Variants in ULBP1 observed in about 807,000 individuals in gnomAD.
ULBP1 encodes the protein UL16 binding protein 1.
Under a neutral mutation model 25.3 loss-of-function variants are expected in ULBP1, and 28 were observed. The ratio of observed to expected loss-of-function variants is 1.10; its 90% CI spans 0.82 to 1.51. The LOEUF is 1.51. Among genes scored for constraint, ULBP1 ranks in the 40% most tolerant of loss-of-function variants. ULBP1 has a pLI of 0.00. For synonymous variants in ULBP1, 129 were observed against 103.0 expected, an observed-to-expected ratio of 1.25 and a Z score of -1.53; for missense variants, 348 against 290.9, an observed-to-expected ratio of 1.20 and a Z score of -1.43.
chr6:149,964,063 C>T lies in ULBP1; in HGVS notation c.14C>T (p.Ala5Val). Residue 5 changes from alanine (A) to valine (V), a missense_variant, in exon 1 of 5, where the codon GCC becomes GTC. By Grantham distance (64) the Ala-to-Val change is moderately conservative. Coordinates refer to ENST00000229708, the MANE Select transcript of ULBP1 (RefSeq NM_025218.4). ...TCCAGGTCTACAATGGCAGCGGCCGCCAGCCCCGCGTTCCTTCTGTGCCTC... is the reference window on the plus strand; with the variant it reads ...TCCAGGTCTACAATGGCAGCGGCCGTCAGCCCCGCGTTCCTTCTGTGCCTC... Reference protein sequence around the residue: MAAAASPAFLLCLPL... With the variant: MAAAVSPAFLLCLPL... 5.0e-6 allele frequency: 8 copies of T among 1,614,212 alleles called. No homozygotes were observed. The highest frequency in any genetic ancestry group is 6.8e-6 in the Non-Finnish European group (8 of 1,180,036).
chr6:149,969,153 C>A lies in ULBP1; in HGVS notation c.418C>A (p.Gln140Lys), dbSNP rs1779260327. ...EAHGHGRGSW[Q>K]FLFNGQKFLL... The stretch of plus-strand genomic sequence containing the variant: ...CCATGGACACGGCAGAGGATCTTGG[C>A]AGTTCCTCTTCAATGGACAGAAGTT... The change falls in exon 3 of 5, where the codon CAG becomes AAG. Residue 140 changes from glutamine (Q) to lysine (K), a missense_variant. Transcript: ENST00000229708. 6.2e-7 allele frequency: 1 copy of A among 1,614,072 alleles called. No homozygotes were observed. The highest frequency in any genetic ancestry group is 1.1e-5 in the South Asian group (1 of 91,096).
Position 149,971,441 on chromosome 6 carries a change from C to G in ULBP1, c.*95C>G, listed in dbSNP as rs1015639465. On this transcript the variant is annotated 3_prime_UTR_variant, in exon 5 of 5. Coordinates refer to ENST00000229708, the MANE Select transcript of ULBP1 (RefSeq NM_025218.4). ...CTCTCCCTTCAGGGAGGCCGCCTGT[C>G]TACTCACCACTGTGCCTTTCTGGAA... 68 of 973,764 alleles carry G rather than the reference C, an allele frequency of 7.0e-5. No homozygotes were observed. The highest frequency in any genetic ancestry group is 5.2e-4 in the Middle Eastern group (1 of 1,924). The allele number at this position is 973,764 out of a possible 1,614,324, so 60.3% of individuals were successfully genotyped here. A position where few individuals can be genotyped will look rare whatever the true frequency, so the allele number is the denominator to read the frequency against.
chr6:149,965,317 T>C (rs1170550779), intron 1 of ULBP1, among the ~76,000 whole-genome samples: 2 of 150,826 alleles, frequency 1.3e-5, no homozygotes, highest in African/African-American at 4.9e-5. Flanking sequence ...CATCGCTGTC[T>C]CCCCGAACGT....
At chr6:149,966,690 T>C (rs1779210446) in intron 1 of ULBP1, among the ~76,000 whole-genome samples, 1 of 151,924 alleles carries the variant, frequency 6.6e-6, no homozygotes, top group Non-Finnish European at 1.5e-5. Flanking sequence ...ACCTAAAGGG[T>C]GAGGAGCCCA....
chr6:149,967,135 AC>A (rs1779217890), intron 1 of ULBP1, among the ~76,000 whole-genome samples: 1 of 152,312 alleles, frequency 6.6e-6, no homozygotes, highest in Admixed American at 6.5e-5. Flanking sequence ...ATGTGAAATT[AC>A]CATCGAATGG....
In ULBP1 at chr6:149,968,820, T is replaced by C; in HGVS notation, c.299T>C (p.Phe100Ser). 4 of 1,614,272 alleles carry C rather than the reference T, an allele frequency of 2.5e-6. No individual in the cohort carries two copies. In the South Asian group the frequency reaches 4.4e-5, roughly 18 times the overall value. ...GAAACACTAAGAGACGTGGTGGATT[T>C]CCTTAAAGGGCAACTGCTTGACATT... ...QTETLRDVVD[F>S]LKGQLLDIQV... The change falls in exon 2 of 5, where the codon TTC becomes TCC. Residue 100 changes from phenylalanine (F) to serine (S), a missense_variant. Physicochemically the swap from Phe to Ser is radical, Grantham distance 155 (BLOSUM62 -2). Coordinates refer to ENST00000229708, the MANE Select transcript of ULBP1 (RefSeq NM_025218.4).
chr6:149,967,914 C>G (rs1296449447), intron 1 of ULBP1, among the ~76,000 whole-genome samples: 1 of 152,104 alleles, frequency 6.6e-6, no homozygotes, highest in African/African-American at 2.4e-5. Context: ...CAAGAGTCCT[C>G]CAGTCATCCC....
In ULBP1 at chr6:149,965,401, A is replaced by G. The variant is rs376264381; in HGVS notation, c.85+1267A>G. Among the ~76,000 whole-genome samples the G allele has an allele frequency of 1.5e-3, 230 of 152,330 alleles. 2 individuals carry two copies. In the South Asian group the frequency reaches 0.021, roughly 14 times the overall value. ...TCCGCTTCCTGCAGCTGCTGCTAGC[A>G]CCGCAGTCCAGGGGGAGTGTCAAAG... On this transcript the variant is annotated intron_variant, in intron 1 of 4. Transcript: ENST00000229708.
At chr6:149,967,304 G>A (rs1190972429) in intron 1 of ULBP1, among the ~76,000 whole-genome samples, 1 of 152,226 alleles carries the variant, frequency 6.6e-6, no homozygotes, top group African/African-American at 2.4e-5. Flanking sequence ...AGGAGTGTCT[G>A]GGTATTTGCC....
At chr6:149,965,331 T>G (rs964640103) in intron 1 of ULBP1, among the ~76,000 whole-genome samples, 6 of 144,126 alleles carry the variant, frequency 4.2e-5, no homozygotes, top group Admixed American at 4.1e-4. Context: ...CGAACGTGCC[T>G]GGCTGAAGGC....
chr6:149,969,097 T>C lies in ULBP1; in HGVS notation c.362T>C (p.Leu121Pro), dbSNP rs1779258810. Residue 121 changes from leucine (L) to proline (P), a missense_variant, in exon 3 of 5, where the codon CTG (leucine) becomes CCG (proline). Leu to Pro is a moderately conservative substitution (Grantham distance 98). Coordinates refer to ENST00000229708, the MANE Select transcript of ULBP1 (RefSeq NM_025218.4). ...TGCAATGGGGCAGAGCCCCTCACCC[T>C]GCAGGCCAGGATGTCTTGTGAGCAT... ...ENLIPIEPLTLQARMSCEHEA... is the reference protein window; with the variant it reads ...ENLIPIEPLTPQARMSCEHEA... The C allele has an allele frequency of 5.0e-6, 8 of 1,614,114 alleles. No individual in the cohort carries two copies. In the East Asian group the frequency reaches 1.8e-4, roughly 36 times the overall value.
intron 1 of ULBP1, among the ~76,000 whole-genome samples, 187 bp from the exon 2 acceptor site, chr6:149,968,420 C>A (rs1318604971): frequency 6.6e-6 from 1 of 152,192 alleles, no homozygotes; most frequent in Non-Finnish European, 1.5e-5. Flanking sequence ...CCTTCCCCTC[C>A]GTGTACTCAA....
chr6:149,967,446 C>G (rs1470341067), intron 1 of ULBP1, among the ~76,000 whole-genome samples: 1 of 152,208 alleles, frequency 6.6e-6, no homozygotes, highest in Non-Finnish European at 1.5e-5. Context: ...GCAATGGACT[C>G]TGGGTCTGAG....
At chr6:149,964,639 C>G (rs531552787) in intron 1 of ULBP1, among the ~76,000 whole-genome samples, 54 of 149,472 alleles carry the variant, frequency 3.6e-4, no homozygotes, top group Middle Eastern at 3.5e-3. Context: ...ATCGCGATCT[C>G]GCCGAACATG....
At chr6:149,965,785 CA>C (rs944109253) in intron 1 of ULBP1, among the ~76,000 whole-genome samples, 1 of 152,098 alleles carries the variant, frequency 6.6e-6, no homozygotes, top group Non-Finnish European at 1.5e-5. Flanking sequence ...CATTCACTTT[CA>C]CCACCCAGGT....
rs1214551933 is a variant in ULBP1, at chr6:149,968,873, A to C, written c.349+3A>C. 9.9e-6 allele frequency: 16 copies of C among 1,613,084 alleles called. No homozygotes were observed. The highest frequency in any genetic ancestry group is 1.7e-5 in the Admixed American group (1 of 59,890). ...AGTGGAGAATTTAATACCCATTGGT[A>C]AGTTTAAAATGGCCCAGGGAGCAGA... On this transcript the variant is annotated splice_donor_region_variant and intron_variant, in intron 2 of 4. Coordinates refer to ENST00000229708, the MANE Select transcript of ULBP1 (RefSeq NM_025218.4).
chr6:149,965,632 T>A (rs551812161), intron 1 of ULBP1, among the ~76,000 whole-genome samples: 12 of 152,250 alleles, frequency 7.9e-5, no homozygotes, highest in Non-Finnish European at 1.3e-4. Flanking sequence ...GCCACAGCCC[T>A]GCTCTGCTCT....
chr6:149,969,694 T>G (rs1181325943), intron 3 of ULBP1, among the ~76,000 whole-genome samples: 1 of 152,204 alleles, frequency 6.6e-6, no homozygotes, highest in Non-Finnish European at 1.5e-5. Flanking sequence ...CATCGGTTTC[T>G]GTAAATCCAT....
chr6:149,965,158 CAGAA>C (rs1779181413), intron 1 of ULBP1, among the ~76,000 whole-genome samples: 1 of 140,112 alleles, frequency 7.1e-6, no homozygotes, highest in Admixed American at 6.8e-5. Flanking sequence ...CGCGATCCCC[CAGAA>C]CATCGCGGCC....
Sources: allele counts gnomAD v4.1 joint callset (sites outside exome capture counted in the v4.1 genomes callset), GRCh38; gene constraint gnomAD v4.1.1; transcripts MANE v1.5; gene names NCBI Gene and HGNC (gene_info 2026-07-23, HGNC 2026-07-21).